SLC1A1: variants seen among roughly 807,000 people sequenced by gnomAD.
SLC1A1 encodes excitatory amino acid transporter 3.
A neutral mutation model predicts 53.3 loss-of-function variants in SLC1A1; 43 were observed. That is an observed-to-expected ratio of 0.81 (90% CI 0.63 to 1.04). SLC1A1 has a LOEUF of 1.04. SLC1A1 is among the 50% of genes least tolerant of loss of function. SLC1A1 has a pLI of 0.00. For synonymous variants in SLC1A1, 307 were observed against 243.2 expected (o/e 1.26, Z -2.44); for missense variants, 748 against 664.9 (o/e 1.12, Z -1.37).
chr9:4,505,978 C>A (rs996244123), intron 1 of SLC1A1, among the ~76,000 whole-genome samples: 4 of 152,182 alleles, frequency 2.6e-5, no homozygotes, highest in African/African-American at 9.7e-5. Context: ...TGCCCACCAC[C>A]ACGCCTGGCT....
intron 1 of SLC1A1, among the ~76,000 whole-genome samples, chr9:4,538,997 G>A (rs1816789978): frequency 1.3e-5 from 2 of 152,188 alleles, no homozygotes; most frequent in African/African-American, 4.8e-5. Context: ...ATGACATGGT[G>A]AGATATGTTT....
intron 1 of SLC1A1, among the ~76,000 whole-genome samples, chr9:4,543,380 A>T (rs1030400410): frequency 5.3e-5 from 8 of 152,204 alleles, no homozygotes; most frequent in Non-Finnish European, 8.8e-5. Context: ...TTCTGCCTTA[A>T]AATAAGAGTG....
intron 1 of SLC1A1, among the ~76,000 whole-genome samples, chr9:4,516,775 C>T (rs1821175201): frequency 1.3e-5 from 2 of 152,324 alleles, no homozygotes; most frequent in South Asian, 2.1e-4. Flanking sequence ...CGGTTTATCT[C>T]ATTTTATCCT....
At chr9:4,576,896 A>G in intron 10 of SLC1A1, 133 bp downstream of exon 10, 3 of 856,160 alleles carry the variant, frequency 3.5e-6, no homozygotes, top group Non-Finnish European at 5.8e-6. Context: ...CCTTCCCAAG[A>G]TTAAATACGA....
intron 1 of SLC1A1, among the ~76,000 whole-genome samples, chr9:4,524,773 T>G (rs1345387207): frequency 1.3e-5 from 2 of 152,174 alleles, no homozygotes; most frequent in Admixed American, 1.3e-4. Context: ...GGGAAGCAGA[T>G]CTGTACAAAG....
chr9:4,553,723 G>C (rs980209148), intron 2 of SLC1A1: 6 of 152,186 alleles, frequency 3.9e-5, no homozygotes, highest in Admixed American at 2.0e-4. Context: ...GCTGACAGAG[G>C]CTTCAAGGGG....
chr9:4,558,777 C>T (rs913123910), intron 2 of SLC1A1, among the ~76,000 whole-genome samples: 1 of 152,156 alleles, frequency 6.6e-6, no homozygotes, highest in Non-Finnish European at 1.5e-5. Flanking sequence ...GTGACTCTCA[C>T]TTGTCAGCAC....
At chr9:4,522,691 C>T (rs1298040803) in intron 1 of SLC1A1, among the ~76,000 whole-genome samples, 1 of 152,156 alleles carries the variant, frequency 6.6e-6, no homozygotes, top group Non-Finnish European at 1.5e-5. Context: ...CAGGCACCTT[C>T]TTCACAAGGC....
chr9:4,544,834 G>A (rs1316363349), intron 2 of SLC1A1, 127 bp downstream of exon 2: 6 of 825,774 alleles, frequency 7.3e-6, no homozygotes, highest in African/African-American at 6.8e-5. Context: ...TGGCTCAGAA[G>A]GTCTCAGGAA....
rs530163458 is a variant in SLC1A1 at position 4,556,571 on chromosome 9, A to G, written c.233-4878A>G. On this transcript the variant is annotated intron_variant, in intron 2 of 11. Transcript: ENST00000262352. This position sits in a 1 kb window ranked among gnomAD's most constrained non-coding sequence, Gnocchi z 4.1. Reference sequence around the variant, plus strand: ...CTGAGAGCAAGAAACCCGGGGGTCCATTGAGAATAAAAACTCAGAACTAAA... The same window carrying G: ...CTGAGAGCAAGAAACCCGGGGGTCCGTTGAGAATAAAAACTCAGAACTAAA... Among the ~76,000 whole-genome samples, 2 of 152,316 alleles carry G rather than the reference A, an allele frequency of 1.3e-5. No homozygotes were observed. The highest frequency in any genetic ancestry group is 2.9e-5 in the Non-Finnish European group (2 of 68,022).
Position 4,535,026 on chromosome 9 carries a change from C to T in SLC1A1, c.92-9541C>T, listed in dbSNP as rs768389175. Among the ~76,000 whole-genome samples the T allele has an allele frequency of 1.6e-3, 238 of 152,120 alleles. 3 individuals carry two copies. Among genetic ancestry groups the T allele is most frequent in the Non-Finnish European group, 2.4e-3 (166 of 68,030 alleles). On this transcript the variant is annotated intron_variant, in intron 1 of 11. Transcript: ENST00000262352. ...TCAACAACCCTTCATTCTAAAAACT[C>T]TCAATAAATTAGGTATTGATGGGAC...
At chr9:4,529,156 C>T (rs1008275305) in intron 1 of SLC1A1, among the ~76,000 whole-genome samples, 26 of 152,186 alleles carry the variant, frequency 1.7e-4, no homozygotes, top group African/African-American at 5.5e-4. Context: ...AGGATTCGCA[C>T]ACTGCTTTCT....
rs1818383433 is a variant in SLC1A1 at position 4,556,335 on chromosome 9, T to C, written c.233-5114T>C. On this transcript the variant is annotated intron_variant, in intron 2 of 11. Coordinates refer to ENST00000262352, the MANE Select transcript of SLC1A1 (RefSeq NM_004170.6). The surrounding 1 kb of genome is among the most constrained non-coding windows in gnomAD (Gnocchi z 4.1). ...ACGCCCCGCCCCTATCTTTTATTATTACATTCAACAGAAATAAAGTTACTG... is the reference window on the plus strand; with the variant it reads ...ACGCCCCGCCCCTATCTTTTATTATCACATTCAACAGAAATAAAGTTACTG... Among the ~76,000 whole-genome samples, 2 of 152,246 alleles carry C rather than the reference T, an allele frequency of 1.3e-5. No individual in the cohort carries two copies. The highest frequency in any genetic ancestry group is 1.3e-4 in the Admixed American group (2 of 15,284).
Position 4,564,265 on chromosome 9 carries a change from C to T in SLC1A1, c.326-79C>T, listed in dbSNP as rs1234120470. 23 of 939,772 alleles carry T rather than the reference C, an allele frequency of 2.4e-5. No individual in the cohort carries two copies. In the Admixed American group the frequency reaches 4.1e-4, roughly 17 times the overall value. 58.2% of individuals were successfully genotyped at this position (939,772 alleles called of 1,614,324 possible). A position where few individuals can be genotyped will look rare whatever the true frequency, so the allele number is the denominator to read the frequency against. On this transcript the variant is annotated intron_variant, in intron 3 of 11. Transcript: ENST00000262352. ...ACACTATTGCCTGGTACAACCATGC[C>T]CATTGTTCTAAAGGTGCCAGCTGTG...
rs1251750976 is a variant in SLC1A1 at position 4,556,726 on chromosome 9, A to C, written c.233-4723A>C. On this transcript the variant is annotated intron_variant, in intron 2 of 11. Transcript: ENST00000262352. This position sits in a 1 kb window ranked among gnomAD's most constrained non-coding sequence, Gnocchi z 4.1. ...TCATTGCGCTAGACCACAAGTTCTCACCAAGACAATATCGTCCCCAAGGCA... is the reference window on the plus strand; with the variant it reads ...TCATTGCGCTAGACCACAAGTTCTCCCCAAGACAATATCGTCCCCAAGGCA... Among the ~76,000 whole-genome samples, 1 of 152,226 alleles carries C rather than the reference A, an allele frequency of 6.6e-6. No individual in the cohort carries two copies. The highest frequency in any genetic ancestry group is 1.5e-5 in the Non-Finnish European group (1 of 68,040).
chr9:4,496,941 A>C (rs1820447327), intron 1 of SLC1A1, among the ~76,000 whole-genome samples: 1 of 152,006 alleles, frequency 6.6e-6, no homozygotes, highest in African/African-American at 2.4e-5. Flanking sequence ...GAAAATAATG[A>C]ATGCTGTTGG....
chr9:4,554,921 T>C (rs1425797128), intron 2 of SLC1A1, among the ~76,000 whole-genome samples: 1 of 152,258 alleles, frequency 6.6e-6, no homozygotes, highest in African/African-American at 2.4e-5. Context: ...TCAGTAATCA[T>C]GCAGGCTATT....
intron 8 of SLC1A1, 130 bp downstream of exon 8, chr9:4,574,144 A>T (rs1820329794): frequency 2.7e-6 from 2 of 735,150 alleles, no homozygotes; most frequent in Non-Finnish European, 4.9e-6. Context: ...TTCAGAGATA[A>T]GACAGCAGGG....
In SLC1A1 at chr9:4,583,006, C is replaced by G. The variant is rs1821246050; in HGVS notation, c.1194-32C>G. 1 of 1,613,968 alleles carries G rather than the reference C, an allele frequency of 6.2e-7. No individual in the cohort carries two copies. The highest frequency in any genetic ancestry group is 1.3e-5 in the African/African-American group (1 of 75,032). ...GGGCTTTAACGGGAGAGGTAAGTGTCTAACTCCTTTCCTGCTGGTATGTTT... is the reference window on the plus strand; with the variant it reads ...GGGCTTTAACGGGAGAGGTAAGTGTGTAACTCCTTTCCTGCTGGTATGTTT... On this transcript the variant is annotated intron_variant, in intron 10 of 11. Transcript: ENST00000262352. The surrounding 1 kb of genome is among the most constrained non-coding windows in gnomAD (Gnocchi z 4.6).
Sources: allele counts gnomAD v4.1 joint callset (sites outside exome capture counted in the v4.1 genomes callset), GRCh38; gene constraint gnomAD v4.1.1; non-coding constraint Gnocchi (gnomAD v3.1); transcripts MANE v1.5; gene names NCBI Gene and HGNC (gene_info 2026-07-23, HGNC 2026-07-21).